Variants in PCDHGA1 observed in about 807,000 individuals in gnomAD.
PCDHGA1 encodes the protein protocadherin gamma-A1.
PCDHGA1 carries 32 observed loss-of-function variants against 58.0 expected under a neutral mutation model. The observed-to-expected ratio is 0.55, with a 90% CI of 0.42 to 0.74. The LOEUF is 0.74. Among genes scored for constraint, PCDHGA1 ranks in the 30% least tolerant of loss-of-function variants. The pLI is 0.00. For synonymous variants in PCDHGA1, 498 were observed against 501.1 expected (o/e 0.99, Z 0.08); for missense variants, 1,205 against 1,182.3 (o/e 1.02, Z -0.28).
Position 141,489,828 on chromosome 5 carries a change from A to G in PCDHGA1, c.2422-4979A>G. The G allele has an allele frequency of 1.9e-6, 3 of 1,614,010 alleles. No homozygotes were observed. The highest frequency in any genetic ancestry group is 1.1e-5 in the South Asian group (1 of 91,080). ...GGAAGCCATTCCCAGAGCTGGTGCTAGAGCAGCAGCTGGATCGTGAAGCCC... is the reference window on the plus strand; with the variant it reads ...GGAAGCCATTCCCAGAGCTGGTGCTGGAGCAGCAGCTGGATCGTGAAGCCC... On this transcript the variant is annotated intron_variant, in intron 1 of 3. Transcript: ENST00000517417. The surrounding 1 kb of genome is among the most constrained non-coding windows in gnomAD (Gnocchi z 4.5).
intron 1 of PCDHGA1, chr5:141,421,544 A>G (rs2096582597): frequency 6.2e-7 from 1 of 1,613,912 alleles, no homozygotes; most frequent in African/African-American, 1.3e-5. Context: ...TGTTTTTTAA[A>G]TATGGAACTT....
Position 141,364,749 on chromosome 5 carries a change from T to A in PCDHGA1, c.2421+31644T>A, listed in dbSNP as rs1588602208. Reference sequence around the variant, plus strand: ...CGTTTCCGGGATGAAGAGTTAAAAGTAAAAGTTAATGAAAATGCGGCTGCA... The same window carrying A: ...CGTTTCCGGGATGAAGAGTTAAAAGAAAAAGTTAATGAAAATGCGGCTGCA... On this transcript the variant is annotated intron_variant, in intron 1 of 3. Coordinates refer to ENST00000517417, the MANE Select transcript of PCDHGA1 (RefSeq NM_018912.3). 3.1e-5 allele frequency: 50 copies of A among 1,613,798 alleles called. No individual in the cohort carries two copies. In the East Asian group the frequency reaches 1.1e-3, roughly 35 times the overall value.
chr5:141,348,821 G>C (rs1026818776), intron 1 of PCDHGA1, among the ~76,000 whole-genome samples: 2 of 152,144 alleles, frequency 1.3e-5, no homozygotes, highest in Non-Finnish European at 2.9e-5. Flanking sequence ...AGGCTGTTTC[G>C]AATAGAGTAT....
intron 1 of PCDHGA1, chr5:141,361,453 C>G (rs758759325): frequency 1.2e-6 from 2 of 1,614,046 alleles, no homozygotes; most frequent in Non-Finnish European, 1.7e-6. Flanking sequence ...AATTGTCACC[C>G]TGCACATCTC....
intron 1 of PCDHGA1, chr5:141,340,910 C>T: frequency 6.2e-7 from 1 of 1,613,800 alleles, no homozygotes; most frequent in Non-Finnish European, 8.5e-7. Context: ...GGTGGCCATC[C>T]AGGACCACGG....
chr5:141,358,018 A>G (rs753079892), intron 1 of PCDHGA1, among the ~76,000 whole-genome samples: 4 of 152,092 alleles, frequency 2.6e-5, no homozygotes, highest in African/African-American at 4.8e-5. Context: ...GGTGAAACCC[A>G]GTCTCTACTA....
At chr5:141,393,534 G>GA in intron 1 of PCDHGA1, 1 of 1,613,928 alleles carries the variant, frequency 6.2e-7, no homozygotes, top group Non-Finnish European at 8.5e-7. Flanking sequence ...CAATGCCCCG[G>GA]TTTTTCCTCA....
At position 141,487,194 on chromosome 5, in the gene PCDHGA1, C is replaced by T. The variant is rs148502966; in HGVS notation, c.2422-7613C>T. 2 of 1,613,868 alleles carry T rather than the reference C, an allele frequency of 1.2e-6. No homozygotes were observed. The highest frequency in any genetic ancestry group is 1.3e-5 in the African/African-American group (1 of 75,030). On this transcript the variant is annotated intron_variant, in intron 1 of 3. Coordinates refer to ENST00000517417, the MANE Select transcript of PCDHGA1 (RefSeq NM_018912.3). The surrounding 1 kb of genome is among the most constrained non-coding windows in gnomAD (Gnocchi z 5.0). ...GAGGAAGACACTCATCCAGTTGTCC[C>T]AGATCTTCGAGAATCTTCAGCTCCA... is the stretch of plus-strand genomic sequence containing the variant.
Position 141,477,849 on chromosome 5 carries a change from A to G in PCDHGA1, c.2422-16958A>G. ...CCTCGGCCAGGTGGGAGCTCGGTGGAGATGCTGCCTCGAGGTACCTCAGCT... is the reference window on the plus strand; with the variant it reads ...CCTCGGCCAGGTGGGAGCTCGGTGGGGATGCTGCCTCGAGGTACCTCAGCT... On this transcript the variant is annotated intron_variant, in intron 1 of 3. Transcript: ENST00000517417. This position sits in a 1 kb window ranked among gnomAD's most constrained non-coding sequence, Gnocchi z 4.9. The G allele has an allele frequency of 6.8e-6, 11 of 1,612,812 alleles. No individual in the cohort carries two copies. Among genetic ancestry groups the G allele is most frequent in the Non-Finnish European group, 8.5e-6 (10 of 1,179,548 alleles).
chr5:141,460,909 G>GGTGT (rs548378036), intron 1 of PCDHGA1, among the ~76,000 whole-genome samples: 1 of 123,246 alleles, frequency 8.1e-6, no homozygotes, highest in African/African-American at 3.7e-5. Flanking sequence ...AATATTCCAT[G>GGTGT]GTGTATATAT....
At chr5:141,423,150 G>T in intron 1 of PCDHGA1, 1 of 1,613,538 alleles carries the variant, frequency 6.2e-7, no homozygotes, top group Non-Finnish European at 8.5e-7. Flanking sequence ...CGCTCAAGCA[G>T]AGCCTCGTGG....
In PCDHGA1 at chr5:141,511,999, C is replaced by G. The variant is rs1049440139; in HGVS notation, c.*826C>G. ...GTGGATGGTGGGGGCATGGACAAAG[C>G]TTGACACATCAAGTTATCAAGGCCT... is the stretch of plus-strand genomic sequence containing the variant. On this transcript the variant is annotated 3_prime_UTR_variant, in exon 4 of 4. Coordinates refer to ENST00000517417, the MANE Select transcript of PCDHGA1 (RefSeq NM_018912.3). 6.5e-6 allele frequency: 1 copy of G among 153,016 alleles called. No individual in the cohort carries two copies. Among genetic ancestry groups the G allele is most frequent in the Non-Finnish European group, 1.5e-5 (1 of 68,392 alleles). The allele number at this position is 153,016 out of a possible 1,614,324, so 9.5% of individuals were successfully genotyped here. A position where few individuals can be genotyped will look rare whatever the true frequency, so the allele number is the denominator to read the frequency against.
chr5:141,476,062 A>G lies in PCDHGA1; in HGVS notation c.2422-18745A>G, dbSNP rs2099384587. On this transcript the variant is annotated intron_variant, in intron 1 of 3. Coordinates refer to ENST00000517417, the MANE Select transcript of PCDHGA1 (RefSeq NM_018912.3). This position sits in a 1 kb window ranked among gnomAD's most constrained non-coding sequence, Gnocchi z 7.6. ...AGCGCTAACCCGCTGAAAGTTTCTC[A>G]GCGAAATCTCAGGGACGATCTGGAC... The G allele has an allele frequency of 1.8e-5, 27 of 1,509,766 alleles. No individual in the cohort carries two copies. Among genetic ancestry groups the G allele is most frequent in the Non-Finnish European group, 2.3e-5 (26 of 1,136,920 alleles). The allele number at this position is 1,509,766 out of a possible 1,614,324, so 93.5% of individuals were successfully genotyped here.
chr5:141,342,022 A>G (rs3806838), intron 1 of PCDHGA1: 28,223 of 153,446 alleles, frequency 0.18, 2,790 homozygotes, highest in African/African-American at 0.24. Flanking sequence ...AATCACATTA[A>G]CCTCTAAGCT....
rs969397099 is a variant in PCDHGA1, at chr5:141,477,807, C to T, written c.2422-17000C>T. 6.2e-6 allele frequency: 10 copies of T among 1,613,932 alleles called. No homozygotes were observed. Among genetic ancestry groups the T allele is most frequent in the African/African-American group, 1.3e-5 (1 of 74,922 alleles). ...TTTGTCACTGATCGCAATGACAATG[C>T]CCCCCAGGTCCTATATCCTCGGCCA... is the stretch of plus-strand genomic sequence containing the variant. On this transcript the variant is annotated intron_variant, in intron 1 of 3. Transcript: ENST00000517417. The surrounding 1 kb of genome is among the most constrained non-coding windows in gnomAD (Gnocchi z 4.9).
At position 141,487,741 on chromosome 5, in the gene PCDHGA1, A is replaced by C. The variant is rs773413559; in HGVS notation, c.2422-7066A>C. 1.6e-4 allele frequency: 247 copies of C among 1,561,638 alleles called. 1 individual carries two copies. The highest frequency in any genetic ancestry group is 2.1e-4 in the Non-Finnish European group (244 of 1,151,698). On this transcript the variant is annotated intron_variant, in intron 1 of 3. Coordinates refer to ENST00000517417, the MANE Select transcript of PCDHGA1 (RefSeq NM_018912.3). This position sits in a 1 kb window ranked among gnomAD's most constrained non-coding sequence, Gnocchi z 5.0. ...ATAGTGATGTCACCATTTTTGTAAG[A>C]GGTAACTATGTGGTAGACGCTGTGC... is the stretch of plus-strand genomic sequence containing the variant.
chr5:141,486,408 C>T lies in PCDHGA1; in HGVS notation c.2422-8399C>T. On this transcript the variant is annotated intron_variant, in intron 1 of 3. Coordinates refer to ENST00000517417, the MANE Select transcript of PCDHGA1 (RefSeq NM_018912.3). This position sits in a 1 kb window ranked among gnomAD's most constrained non-coding sequence, Gnocchi z 5.0. ...CAGTTCTCCCTGGTGACTGCTGGAC[C>T]CTTGGATCGAGAGGCCAAATCTAGC... is the stretch of plus-strand genomic sequence containing the variant. The T allele has an allele frequency of 1.2e-6, 2 of 1,614,156 alleles. No individual in the cohort carries two copies. Among genetic ancestry groups the T allele is most frequent in the South Asian group, 2.2e-5 (2 of 91,084 alleles).
At chr5:141,346,342 TC>T (rs1184509828) in intron 1 of PCDHGA1, 1 of 1,613,968 alleles carries the variant, frequency 6.2e-7, no homozygotes, top group African/African-American at 1.3e-5. Context: ...CACCTGATTT[TC>T]CCCCAGCCCA....
intron 1 of PCDHGA1, chr5:141,357,172 G>A: frequency 6.2e-7 from 1 of 1,613,706 alleles, no homozygotes; most frequent in Non-Finnish European, 8.5e-7. Flanking sequence ...CTCGGCCACC[G>A]TCACACTCAC....
Sources: allele counts gnomAD v4.1 joint callset (sites outside exome capture counted in the v4.1 genomes callset), GRCh38; gene constraint gnomAD v4.1.1; non-coding constraint Gnocchi (gnomAD v3.1); transcripts MANE v1.5; gene names NCBI Gene and HGNC (gene_info 2026-07-23, HGNC 2026-07-21).